The following ST14 variants were observed in gnomAD, a reference collection of about 807,000 sequenced individuals.
ST14 encodes the protein ST14 transmembrane serine protease matriptase, also known as suppressor of tumorigenicity 14 protein.
Under a neutral mutation model 96.5 loss-of-function variants are expected in ST14, and 40 were observed. The observed-to-expected ratio is 0.41, with a 90% CI of 0.32 to 0.54. ST14 has a LOEUF of 0.54. Among genes scored for constraint, ST14 ranks in the 20% least tolerant of loss-of-function variants. The pLI is 0.17. For missense variants in ST14, 1,066 were observed against 1,188.9 expected, an observed-to-expected ratio of 0.90 and a Z score of 1.52; for synonymous variants, 506 against 492.1, an observed-to-expected ratio of 1.03 and a Z score of -0.37.
At position 130,200,149 on chromosome 11, in the gene ST14, G is replaced by A; in HGVS notation, c.1994+12G>A. 1 of 1,613,962 alleles carries A rather than the reference G, an allele frequency of 6.2e-7. No individual in the cohort carries two copies. Reference sequence around the variant, plus strand: ...GACAGAGGATTCAGGTGGGTCTCTGGGTGGGCAGCAGGGAGCCTCCTTGCT... The same window carrying A: ...GACAGAGGATTCAGGTGGGTCTCTGAGTGGGCAGCAGGGAGCCTCCTTGCT... On this transcript the variant is annotated intron_variant, in intron 16 of 18. Coordinates refer to ENST00000278742, the MANE Select transcript of ST14 (RefSeq NM_021978.4).
At position 130,199,987 on chromosome 11, in the gene ST14, T is replaced by G; in HGVS notation, c.1844T>G (p.Val615Gly). ...CGGTCATTCACGAGACAGGCTCGTGTTGTTGGGGGCACGGATGCGGATGAG... is the reference window on the plus strand; with the variant it reads ...CGGTCATTCACGAGACAGGCTCGTGGTGTTGGGGGCACGGATGCGGATGAG... ...GLRSFTRQAR[V>G]VGGTDADEGE... is the part of the protein sequence containing the mutation. Residue 615 changes from valine to glycine, a missense_variant, in exon 16 of 19, where the codon GTT becomes GGT. Transcript: ENST00000278742. 6.2e-7 allele frequency: 1 copy of G among 1,614,164 alleles called. No homozygotes were observed.
In ST14 at chr11:130,194,269, C is replaced by T. The variant is rs1486328365; in HGVS notation, c.996C>T (p.Phe332=). ...RRHPGFEATF[F]QLPRMSSCGG... The stretch of plus-strand genomic sequence containing the variant: ...ATCCCGGCTTTGAGGCCACCTTCTT[C>T]CAGCTGCCTAGGATGAGCAGTAAGG... The change falls in exon 8 of 19, where the codon TTC becomes TTT. Residue 332 remains phenylalanine, a synonymous_variant. Transcript: ENST00000278742. 1 of 1,614,250 alleles carries T rather than the reference C, an allele frequency of 6.2e-7. No homozygotes were observed. The highest frequency in any genetic ancestry group is 8.5e-7 in the Non-Finnish European group (1 of 1,180,050).
At chr11:130,197,966 C>T (rs750141189) in intron 12 of ST14, 21 bp downstream of exon 12, 27 of 1,553,854 alleles carry the variant, frequency 1.7e-5, no homozygotes, top group Admixed American at 1.5e-4. Context: ...CTGGGAGCCC[C>T]GGTCTCCCCA....
chr11:130,197,979 C>G, intron 12 of ST14, 34 bp downstream of exon 12: 2 of 1,539,384 alleles, frequency 1.3e-6, no homozygotes, highest in Non-Finnish European at 1.8e-6. Context: ...TCTCCCCACC[C>G]TCCTTCCCCA....
At chr11:130,201,340 G>A (rs576607793) in intron 16 of ST14, among the ~76,000 whole-genome samples, 1 of 152,394 alleles carries the variant, frequency 6.6e-6, no homozygotes, top group South Asian at 2.1e-4. Flanking sequence ...AAGGGGATGC[G>A]CTTTCTGCTG....
rs1328558996 is a variant in ST14 at position 130,209,947 on chromosome 11, C to T, written c.*124C>T. On this transcript the variant is annotated 3_prime_UTR_variant, in exon 19 of 19. Coordinates refer to ENST00000278742, the MANE Select transcript of ST14 (RefSeq NM_021978.4). ...GCGCCCCCAGAACATACACTGTGAA[C>T]TCAATCTCCAGGGCTCCAAATCTGC... 4.1e-6 allele frequency: 5 copies of T among 1,205,482 alleles called. No individual in the cohort carries two copies. The highest frequency in any genetic ancestry group is 4.6e-6 in the Non-Finnish European group (4 of 862,638). The allele number at this position is 1,205,482 out of a possible 1,614,324, so 74.7% of individuals were successfully genotyped here. A position where few individuals can be genotyped will look rare whatever the true frequency, so the allele number is the denominator to read the frequency against.
intron 16 of ST14, among the ~76,000 whole-genome samples, chr11:130,203,436 C>T (rs1242009644): frequency 6.6e-6 from 1 of 152,230 alleles, no homozygotes; most frequent in African/African-American, 2.4e-5. Context: ...GGACTCTGGT[C>T]TGCACCACTC....
chr11:130,161,450 C>T (rs1952997758), intron 1 of ST14, among the ~76,000 whole-genome samples: 2 of 152,204 alleles, frequency 1.3e-5, no homozygotes. Flanking sequence ...CAAGTTTGTT[C>T]TCCCTGACTT....
intron 1 of ST14, among the ~76,000 whole-genome samples, chr11:130,172,340 A>G (rs1297480992): frequency 6.6e-6 from 1 of 151,284 alleles, no homozygotes; most frequent in East Asian, 1.9e-4. Flanking sequence ...TCCAGGGCTC[A>G]AGCAATCCTC....
chr11:130,162,370 C>A (rs1295767142), intron 1 of ST14, among the ~76,000 whole-genome samples: 1 of 152,198 alleles, frequency 6.6e-6, no homozygotes, highest in Admixed American at 6.5e-5. Context: ...GGGAGCCTGC[C>A]TCCCTGAGGG....
intron 4 of ST14, 85 bp from the exon 5 acceptor site, chr11:130,189,654 C>G: frequency 6.4e-7 from 1 of 1,570,370 alleles, no homozygotes; most frequent in East Asian, 2.2e-5. Flanking sequence ...TGCCCCGAGC[C>G]GCCCATGTGT....
intron 12 of ST14, 58 bp from the exon 13 acceptor site, chr11:130,198,250 C>T: frequency 6.6e-7 from 1 of 1,518,426 alleles, no homozygotes; most frequent in Non-Finnish European, 9.1e-7. Context: ...CCTGGGCATC[C>T]TGGGGAAGCA....
At chr11:130,160,400 T>A (rs1292585072) in intron 1 of ST14, among the ~76,000 whole-genome samples, 1 of 152,142 alleles carries the variant, frequency 6.6e-6, no homozygotes, top group Non-Finnish European at 1.5e-5. Flanking sequence ...AACCAGGGGC[T>A]TGGAGTGGGG....
intron 14 of ST14, 49 bp from the exon 15 acceptor site, chr11:130,198,898 G>C: frequency 6.2e-7 from 1 of 1,612,330 alleles, no homozygotes; most frequent in African/African-American, 1.3e-5. Context: ...GCTTCTGGTC[G>C]GATGCTGCAG....
At position 130,188,412 on chromosome 11, in the gene ST14, G is replaced by A. The variant is rs1359878629; in HGVS notation, c.242-118G>A. Reference sequence around the variant, plus strand: ...CTGGAACCCTGATGGGGAGTGATGGGAAGCAGTCAGGGCTGACCCATGGCC... The same window carrying A: ...CTGGAACCCTGATGGGGAGTGATGGAAAGCAGTCAGGGCTGACCCATGGCC... On this transcript the variant is annotated intron_variant, in intron 2 of 18. Transcript: ENST00000278742. The surrounding 1 kb of genome is among the most constrained non-coding windows in gnomAD (Gnocchi z 5.4). The A allele has an allele frequency of 1.9e-6, 3 of 1,591,134 alleles. No homozygotes were observed. The highest frequency in any genetic ancestry group is 3.4e-5 in the Admixed American group (2 of 59,654).
At chr11:130,173,033 G>A (rs548544005) in intron 1 of ST14, among the ~76,000 whole-genome samples, 2 of 152,290 alleles carry the variant, frequency 1.3e-5, no homozygotes, top group African/African-American at 4.8e-5. Flanking sequence ...GCGTCACCAC[G>A]CGAGTGGTCA....
rs1322218608 is a variant in ST14 at position 130,209,902 on chromosome 11, C to T, written c.*79C>T. On this transcript the variant is annotated 3_prime_UTR_variant, in exon 19 of 19. Transcript: ENST00000278742. ...AGTGTGCACGCCTGCAGGCTGGAGACTGGACCGCTGACTGCACCAGCGCCC... is the reference window on the plus strand; with the variant it reads ...AGTGTGCACGCCTGCAGGCTGGAGATTGGACCGCTGACTGCACCAGCGCCC... 2 of 1,547,680 alleles carry T rather than the reference C, an allele frequency of 1.3e-6. No homozygotes were observed. Among genetic ancestry groups the T allele is most frequent in the Non-Finnish European group, 1.8e-6 (2 of 1,136,106 alleles).
intron 1 of ST14, among the ~76,000 whole-genome samples, chr11:130,179,987 ACTT>A (rs1953175805): frequency 6.6e-6 from 1 of 152,188 alleles, no homozygotes; most frequent in Non-Finnish European, 1.5e-5. Context: ...CTCGGGCTCT[ACTT>A]TCCTTTCTCG....
Position 130,202,071 on chromosome 11 carries a change from G to A in ST14, c.1994+1934G>A, listed in dbSNP as rs11820667. On this transcript the variant is annotated intron_variant, in intron 16 of 18. Transcript: ENST00000278742. ...GAATGGTATTTAGAGACCAAGGTCC[G>A]GTTGCTTAGTGTGTTCATTGTCACC... 3.3e-3 allele frequency among the ~76,000 whole-genome samples: 509 copies of A among 152,324 alleles called. 4 individuals carry two copies. The highest frequency in any genetic ancestry group is 0.012 in the African/African-American group (481 of 41,574).
Sources: allele counts gnomAD v4.1 joint callset (sites outside exome capture counted in the v4.1 genomes callset), GRCh38; gene constraint gnomAD v4.1.1; non-coding constraint Gnocchi (gnomAD v3.1); transcripts MANE v1.5; gene names NCBI Gene and HGNC (gene_info 2026-07-23, HGNC 2026-07-21).